The following GRIK1 variants were observed in gnomAD, a reference collection of about 807,000 sequenced individuals.
GRIK1 encodes glutamate ionotropic receptor kainate type subunit 1, also known as glutamate receptor ionotropic, kainate 1.
GRIK1 carries 69 observed loss-of-function variants against 105.7 expected under a neutral mutation model. That is an observed-to-expected ratio of 0.65 (90% CI 0.54 to 0.80). The LOEUF (loss-of-function observed/expected upper bound fraction) is 0.80, where lower values mean the gene tolerates loss of function less well. GRIK1 is among the 30% of genes least tolerant of loss of function. The pLI, the probability that GRIK1 is intolerant of heterozygous loss-of-function variation, is 0.00. For synonymous variants in GRIK1, 438 were observed against 431.3 expected, an observed-to-expected ratio of 1.02 and a Z score of -0.19; for missense variants, 1,109 against 1,167.3, an observed-to-expected ratio of 0.95 and a Z score of 0.73.
intron 1 of GRIK1, among the ~76,000 whole-genome samples, chr21:29,793,399 C>A (rs1451869674): frequency 1.3e-5 from 2 of 152,246 alleles, no homozygotes; most frequent in South Asian, 4.2e-4. Flanking sequence ...TATGTAACAG[C>A]CCTGCTACAA....
intron 15 of GRIK1, among the ~76,000 whole-genome samples, chr21:29,558,781 G>T (rs1285433802): frequency 6.6e-6 from 1 of 151,518 alleles, no homozygotes; most frequent in Non-Finnish European, 1.5e-5. Flanking sequence ...AGCTTCATTC[G>T]CAGGAAAGCA....
rs1460471206 is a variant in GRIK1, at chr21:29,560,586, T to TTCTTTCTC, written c.2356+1030_2356+1037dup. 1.2e-3 allele frequency among the ~76,000 whole-genome samples: 148 copies of TTCTTTCTC among 123,728 alleles called. 1 individual carries two copies. The highest frequency in any genetic ancestry group is 1.9e-3 in the Non-Finnish European group (110 of 58,842). 81.2% of individuals were successfully genotyped at this position (123,728 alleles called of 152,430 possible). On this transcript the variant is annotated intron_variant, in intron 15 of 17. Transcript: ENST00000327783. Reference sequence around the variant, plus strand: ...TTTCTTTCTTTCTTTCTCTCTTTCTTTCTTTCTCTCCTTCCTTCCTTCTTT... The same window carrying TTCTTTCTC: ...TTTCTTTCTTTCTTTCTCTCTTTCTTTCTTTCTCTCTTTCTCTCCTTCCTTCCTTCTTT...
intron 15 of GRIK1, among the ~76,000 whole-genome samples, chr21:29,560,279 T>TTTTTCTTTCTTTCTTTCTTTCTTTCC (rs1178741384): frequency 3.1e-4 from 22 of 69,946 alleles, no homozygotes; most frequent in African/African-American, 1.0e-3. Context: ...TATGATACAG[T>TTTTTCTTTCTTTCTTTCTTTCTTTCC]TTTCTTTCTT....
At chr21:29,878,234 CA>C (rs1229614447) in intron 1 of GRIK1, among the ~76,000 whole-genome samples, 1 of 151,962 alleles carries the variant, frequency 6.6e-6, no homozygotes, top group Admixed American at 6.6e-5. Flanking sequence ...AGACAGCAGG[CA>C]AAAGAGGTCA....
In GRIK1 at chr21:29,926,989, G is replaced by A. The variant is rs117788651; in HGVS notation, c.118+12394C>T. Among the ~76,000 whole-genome samples the A allele has an allele frequency of 1.3e-3, 196 of 152,226 alleles. 3 individuals are homozygous for A. The East Asian group carries it at 0.037, about 29-fold the overall frequency. On this transcript the variant is annotated intron_variant, in intron 1 of 17. Transcript: ENST00000327783. ...GTGTTCCCTGTTGTTCAATCTGACC[G>A]AGAGGAATATTCTCATGAGAAGCAG...
At chr21:29,771,751 G>C (rs761088265) in intron 1 of GRIK1, among the ~76,000 whole-genome samples, 4 of 152,190 alleles carry the variant, frequency 2.6e-5, no homozygotes, top group Non-Finnish European at 5.9e-5. Flanking sequence ...ACATCACCCA[G>C]TAAGCACCTT....
intron 1 of GRIK1, among the ~76,000 whole-genome samples, chr21:29,719,727 T>C (rs889380722): frequency 2.6e-5 from 4 of 152,142 alleles, no homozygotes; most frequent in Non-Finnish European, 5.9e-5. Context: ...ATTATGCATA[T>C]TAAGCAATGA....
chr21:29,568,897 G>A (rs1047418794), intron 14 of GRIK1, among the ~76,000 whole-genome samples: 1 of 152,202 alleles, frequency 6.6e-6, no homozygotes, highest in East Asian at 1.9e-4. Flanking sequence ...TATCAATTGA[G>A]CTGAATTAAA....
intron 1 of GRIK1, among the ~76,000 whole-genome samples, chr21:29,895,298 A>G (rs1366117971): frequency 6.6e-6 from 1 of 152,170 alleles, no homozygotes; most frequent in Non-Finnish European, 1.5e-5. Flanking sequence ...TAGTTCAACG[A>G]ACCTGCGGAT....
chr21:29,614,059 G>C lies in GRIK1; in HGVS notation c.1099-15122C>G, dbSNP rs185672350. Among the ~76,000 whole-genome samples the C allele has an allele frequency of 2.6e-3, 397 of 152,232 alleles. 3 individuals are homozygous for C. The highest frequency in any genetic ancestry group is 9.2e-3 in the African/African-American group (382 of 41,536). The stretch of plus-strand genomic sequence containing the variant: ...TCATAGGTCATTCTCTGGGGATTTA[G>C]ATAACAACCCCTAGCATGGCCTCAA... On this transcript the variant is annotated intron_variant, in intron 7 of 17. Coordinates refer to ENST00000327783, the MANE Select transcript of GRIK1 (RefSeq NM_001330994.2).
chr21:29,931,654 C>T (rs1387082015), intron 1 of GRIK1, among the ~76,000 whole-genome samples: 3 of 152,098 alleles, frequency 2.0e-5, no homozygotes, highest in Non-Finnish European at 4.4e-5. Flanking sequence ...ATGTATCTCC[C>T]TTCCCAGCAC....
chr21:29,901,023 T>A (rs995319693), intron 1 of GRIK1, among the ~76,000 whole-genome samples: 12 of 152,134 alleles, frequency 7.9e-5, no homozygotes, highest in African/African-American at 2.9e-4. Flanking sequence ...CCGAACAACC[T>A]GCTCCTGAAT....
At chr21:29,591,035 A>T in intron 10 of GRIK1, 77 bp downstream of exon 10, 1 of 830,622 alleles carries the variant, frequency 1.2e-6, no homozygotes, top group East Asian at 2.4e-5. Context: ...TGGCATGAAA[A>T]AGACAGTTGA....
rs774535197 is a variant in GRIK1 at position 29,715,954 on chromosome 21, C to A, written c.119-21891G>T. Among the ~76,000 whole-genome samples, 5 of 151,718 alleles carry A rather than the reference C, an allele frequency of 3.3e-5. No individual in the cohort carries two copies. The South Asian group carries it at 6.2e-4, about 19-fold the overall frequency. On this transcript the variant is annotated intron_variant, in intron 1 of 17. Transcript: ENST00000327783. ...ATCATGAATTGTAGTTCCCATAATC[C>A]CTATGTGTGGTGGGAGGGACCAGGT...
rs141753830 is a variant in GRIK1, at chr21:29,883,422, C to T, written c.118+55961G>A. On this transcript the variant is annotated intron_variant, in intron 1 of 17. Coordinates refer to ENST00000327783, the MANE Select transcript of GRIK1 (RefSeq NM_001330994.2). ...GGTTTTACTTCATTAAGTCACTCAGCGAGACTGACTATTGGTTGTTTCAGG... is the reference window on the plus strand; with the variant it reads ...GGTTTTACTTCATTAAGTCACTCAGTGAGACTGACTATTGGTTGTTTCAGG... Among the ~76,000 whole-genome samples the T allele has an allele frequency of 1.3e-3, 197 of 152,078 alleles. 1 individual carries two copies. The highest frequency in any genetic ancestry group is 4.4e-3 in the African/African-American group (182 of 41,486).
chr21:29,646,632 G>T (rs534541952), intron 6 of GRIK1, among the ~76,000 whole-genome samples: 2 of 152,210 alleles, frequency 1.3e-5, no homozygotes, highest in East Asian at 1.9e-4. Flanking sequence ...ATACTTAGCT[G>T]CCTGGATGGT....
At chr21:29,914,512 C>T (rs1460298992) in intron 1 of GRIK1, among the ~76,000 whole-genome samples, 1 of 152,064 alleles carries the variant, frequency 6.6e-6, no homozygotes, top group Non-Finnish European at 1.5e-5. Flanking sequence ...CAACTTCAAG[C>T]CCTGACTTGA....
chr21:29,860,055 C>G (rs2068588509), intron 1 of GRIK1, among the ~76,000 whole-genome samples: 1 of 152,152 alleles, frequency 6.6e-6, no homozygotes, highest in Non-Finnish European at 1.5e-5. Context: ...ATAAAGGGAC[C>G]TCACTTGATG....
At chr21:29,689,105 AG>A (rs1046884512) in intron 3 of GRIK1, among the ~76,000 whole-genome samples, 1 of 151,384 alleles carries the variant, frequency 6.6e-6, no homozygotes, top group Non-Finnish European at 1.5e-5. Flanking sequence ...CAGAAAGCAG[AG>A]GGGGGTGGTG....
Sources: gnomAD v4.1 joint callset for allele counts (sites outside exome capture counted in the v4.1 genomes callset) on GRCh38, gnomAD v4.1.1 for gene constraint, MANE v1.5 for transcripts, NCBI Gene and HGNC (gene_info 2026-07-23, HGNC 2026-07-21) for gene names.